OARD1: variants seen among roughly 807,000 people sequenced by gnomAD.
OARD1 encodes O-acyl-ADP-ribose deacylase 1, also known as ADP-ribose glycohydrolase OARD1.
A neutral mutation model predicts 19.7 loss-of-function variants in OARD1; 19 were observed. The observed-to-expected ratio is 0.96, with a 90% CI of 0.67 to 1.41. The LOEUF (loss-of-function observed/expected upper bound fraction) is 1.41. Ranked by LOEUF, OARD1 falls within the 40% of genes most tolerant of loss-of-function variation. OARD1 has a pLI of 0.00. For synonymous variants in OARD1, 70 were observed against 61.8 expected, an observed-to-expected ratio of 1.13 and a Z score of -0.62; for missense variants, 190 against 183.8, an observed-to-expected ratio of 1.03 and a Z score of -0.20.
chr6:41,093,887 G>A (rs953290488), intron 1 of OARD1, among the ~76,000 whole-genome samples: 1 of 152,166 alleles, frequency 6.6e-6, no homozygotes, highest in African/African-American at 2.4e-5. Context: ...AGCCTGGTGT[G>A]GTGGCAAATG....
intron 5 of OARD1, among the ~76,000 whole-genome samples, chr6:41,068,202 T>A (rs1035197830): frequency 2.0e-5 from 3 of 152,130 alleles, no homozygotes; most frequent in Non-Finnish European, 4.4e-5. Flanking sequence ...TAAAACTGCA[T>A]GTATGCTCAG....
intron 1 of OARD1, chr6:41,094,630 T>G: frequency 3.2e-6 from 2 of 631,218 alleles, no homozygotes. Context: ...TGCAATCTTA[T>G]GTCTCTTTAG....
At chr6:41,070,046 T>C (rs1022823802) in intron 4 of OARD1, 30 bp downstream of exon 4, 3 of 1,371,812 alleles carry the variant, frequency 2.2e-6, no homozygotes, top group Non-Finnish European at 2.1e-6. Flanking sequence ...GAACTGGCCC[T>C]GAAAAAAAAA....
intron 1 of OARD1, among the ~76,000 whole-genome samples, chr6:41,087,962 G>C (rs1412404529): frequency 6.6e-6 from 1 of 151,894 alleles, no homozygotes; most frequent in East Asian, 1.9e-4. Context: ...TCCAATCCTA[G>C]GACCAAATAG....
At chr6:41,096,270 C>G (rs1261400755) in intron 1 of OARD1, among the ~76,000 whole-genome samples, 1 of 152,212 alleles carries the variant, frequency 6.6e-6, no homozygotes, top group East Asian at 1.9e-4. Context: ...ACAACTCTTT[C>G]AGTGCTATTA....
At chr6:41,092,151 A>G (rs1764213176) in intron 1 of OARD1, among the ~76,000 whole-genome samples, 1 of 152,224 alleles carries the variant, frequency 6.6e-6, no homozygotes, top group Admixed American at 6.5e-5. Context: ...CTAAATCCTC[A>G]TATGTCAAAA....
At chr6:41,082,571 A>G (rs972113156) in intron 1 of OARD1, among the ~76,000 whole-genome samples, 3 of 152,256 alleles carry the variant, frequency 2.0e-5, no homozygotes, top group Non-Finnish European at 4.4e-5. Flanking sequence ...TAATAGCTGT[A>G]TCTTAAAACT....
intron 1 of OARD1, among the ~76,000 whole-genome samples, chr6:41,093,554 T>C (rs1214118239): frequency 2.6e-5 from 4 of 151,946 alleles, no homozygotes; most frequent in Non-Finnish European, 5.9e-5. Context: ...CACTGCAACC[T>C]GCACCTTCCA....
chr6:41,069,652 T>G, intron 4 of OARD1: 1 of 240,970 alleles, frequency 4.1e-6, no homozygotes, highest in Non-Finnish European at 8.1e-6. Flanking sequence ...GGGACTGCAC[T>G]TATTATTTTT....
chr6:41,090,381 T>A (rs775111138), intron 1 of OARD1: 4 of 884,442 alleles, frequency 4.5e-6, no homozygotes, highest in African/African-American at 1.7e-5. Context: ...CTGACATCTT[T>A]AGAATTTGAG....
intron 1 of OARD1, chr6:41,094,266 T>G (rs370022576): frequency 2.9e-6 from 2 of 697,506 alleles, no homozygotes; most frequent in Non-Finnish European, 4.9e-6. Flanking sequence ...ATCGTCATTC[T>G]AAGTCATAAT....
At chr6:41,073,622 G>A (rs73733360), upstream of OARD1, among the ~76,000 whole-genome samples, 4,231 of 152,172 alleles carry the variant, frequency 0.028, 154 homozygotes, top group East Asian at 0.099. Flanking sequence ...CTCTAGGTCG[G>A]GAGGGAGGCC....
intron 1 of OARD1, chr6:41,094,282 C>T: frequency 1.2e-6 from 1 of 814,594 alleles, no homozygotes; most frequent in Non-Finnish European, 2.0e-6. Context: ...ATAATTGTCC[C>T]TTGTGACTTT....
intron 1 of OARD1, chr6:41,091,770 A>T (rs1764201690): frequency 1.2e-5 from 19 of 1,520,196 alleles, no homozygotes; most frequent in Non-Finnish European, 1.5e-5. Context: ...AAAATTTATT[A>T]TGTTGACCTC....
intron 2 of OARD1, 112 bp from the exon 3 acceptor site, chr6:41,071,388 C>A: frequency 8.7e-7 from 1 of 1,152,468 alleles, no homozygotes; most frequent in Non-Finnish European, 1.3e-6. Flanking sequence ...CCCCTTCCTC[C>A]AATCTGATTT....
upstream of OARD1, among the ~76,000 whole-genome samples, chr6:41,073,766 A>G (rs1232691154): frequency 6.7e-6 from 1 of 149,524 alleles, no homozygotes; most frequent in East Asian, 2.0e-4. Context: ...TAGTTCGCCC[A>G]CTCCCCCTGC....
chr6:41,081,470 A>G (rs370744144), intron 1 of OARD1, among the ~76,000 whole-genome samples: 2 of 151,844 alleles, frequency 1.3e-5, no homozygotes, highest in Middle Eastern at 3.2e-3. Context: ...AGCCTGGGTG[A>G]CAGAGCGAGA....
chr6:41,086,044 TA>T (rs1764034557), intron 1 of OARD1, among the ~76,000 whole-genome samples: 1 of 152,228 alleles, frequency 6.6e-6, no homozygotes, highest in South Asian at 2.1e-4. Context: ...TATGAGGCTT[TA>T]AATATCTTTT....
Position 41,093,663 on chromosome 6 carries a change from G to C in OARD1, c.-42+4050C>G, listed in dbSNP as rs535478158. Among the ~76,000 whole-genome samples the C allele has an allele frequency of 7.9e-5, 12 of 152,222 alleles. No homozygotes were observed. The South Asian group carries it at 2.5e-3, about 32-fold the overall frequency. On this transcript the variant is annotated intron_variant, in intron 1 of 4. Coordinates refer to the OARD1 transcript ENST00000480585. The stretch of plus-strand genomic sequence containing the variant: ...TTTTTGTGTTTTTAGTAGAGACGGG[G>C]TTTCACCATGTTGGCCAGGCTGGTC...
Sources: gnomAD v4.1 joint callset for allele counts (sites outside exome capture counted in the v4.1 genomes callset) on GRCh38, gnomAD v4.1.1 for gene constraint, MANE v1.5 for transcripts, NCBI Gene and HGNC (gene_info 2026-07-23, HGNC 2026-07-21) for gene names.